The following MLNR variants were observed in gnomAD, a reference collection of about 807,000 sequenced individuals.
MLNR encodes the protein G protein-coupled receptor 38.
A neutral mutation model predicts 20.0 loss-of-function variants in MLNR; 16 were observed. The observed-to-expected ratio is 0.80, with a 90% CI of 0.54 to 1.22. The LOEUF (loss-of-function observed/expected upper bound fraction) is 1.22, where lower values mean the gene tolerates loss of function less well. Among genes scored for constraint, MLNR ranks in the 50% most tolerant of loss-of-function variants. MLNR has a pLI of 0.00. For missense variants in MLNR, 630 were observed against 592.3 expected (o/e 1.06, Z -0.66); for synonymous variants, 302 against 287.2 (o/e 1.05, Z -0.52).
rs746358130 is a variant in MLNR at position 49,221,150 on chromosome 13, G to C, written c.813G>C (p.Gly271=). The C allele has an allele frequency of 3.1e-6, 5 of 1,591,816 alleles. No homozygotes were observed. Among genetic ancestry groups the C allele is most frequent in the Non-Finnish European group, 3.4e-6 (4 of 1,177,140 alleles). The stretch of plus-strand genomic sequence containing the variant: ...TCAGCATCCTCTACGGGCTCATCGG[G>C]CGGGAGCTGTGGAGCAGCCGGCGGC... ...LCLSILYGLI[G]RELWSSRRPL... The change falls in exon 1 of 2, where the codon GGG becomes GGC. Residue 271 remains glycine, a synonymous_variant. Coordinates refer to ENST00000218721, the MANE Select transcript of MLNR (RefSeq NM_001507.1).
chr13:49,220,660 C>T lies in MLNR; in HGVS notation c.323C>T (p.Pro108Leu). 1.2e-6 allele frequency: 2 copies of T among 1,607,766 alleles called. No homozygotes were observed. The highest frequency in any genetic ancestry group is 1.7e-6 in the Non-Finnish European group (2 of 1,177,920). The change falls in exon 1 of 2, where the codon CCG becomes CTG. Residue 108 changes from proline (P) to leucine (L), a missense_variant. Pro to Leu is a moderately conservative substitution (Grantham distance 98, BLOSUM62 -3). Coordinates refer to ENST00000218721, the MANE Select transcript of MLNR (RefSeq NM_001507.1). The surrounding 1 kb of genome is among the most constrained non-coding windows in gnomAD (Gnocchi z 4.4). ...CGCTCGCGGCCCTGGGTGTTCGGGC[C>T]GCTGCTCTGCCGCCTGTCCCTCTAC... ...LWRSRPWVFG[P>L]LLCRLSLYVG... is the part of the protein sequence containing the mutation.
chr13:49,222,207 C>A lies in MLNR; in HGVS notation c.1069C>A (p.Leu357Ile). ...SASINPILYN[L>I]ISKKYRAAAF... ...ATCTATCAACCCAATCCTCTACAAC[C>A]TCATTTCAAAGAAGTACAGAGCGGC... The change falls in exon 2 of 2, where the codon CTC (leucine) becomes ATC (isoleucine). Residue 357 changes from leucine to isoleucine, a missense_variant. By Grantham distance (5) the Leu-to-Ile change is conservative. Transcript: ENST00000218721. 6.2e-7 allele frequency: 1 copy of A among 1,614,138 alleles called. No homozygotes were observed. The highest frequency in any genetic ancestry group is 8.5e-7 in the Non-Finnish European group (1 of 1,180,042).
chr13:49,221,097 G>A lies in MLNR; in HGVS notation c.760G>A (p.Ala254Thr), dbSNP rs755972660. The change falls in exon 1 of 2, where the codon GCC (alanine) becomes ACC (threonine). Residue 254 changes from alanine to threonine, a missense_variant. By Grantham distance (58) the Ala-to-Thr change is moderately conservative (BLOSUM62 0). Coordinates refer to ENST00000218721, the MANE Select transcript of MLNR (RefSeq NM_001507.1). ...ALRVMLWVTT[A>T]YFFLPFLCLS... is the part of the protein sequence containing the mutation. ...GCGTGTCATGCTGTGGGTCACCACCGCCTACTTCTTCCTGCCCTTTCTGTG... is the reference window on the plus strand; with the variant it reads ...GCGTGTCATGCTGTGGGTCACCACCACCTACTTCTTCCTGCCCTTTCTGTG... The A allele has an allele frequency of 3.1e-6, 5 of 1,589,780 alleles. No individual in the cohort carries two copies. The highest frequency in any genetic ancestry group is 4.3e-6 in the Non-Finnish European group (5 of 1,176,378).
chr13:49,221,287 C>T (rs571786322), intron 1 of MLNR, 49 bp downstream of exon 1: 1 of 1,524,818 alleles, frequency 6.6e-7, no homozygotes, highest in East Asian at 2.5e-5. Context: ...CAGTCCGCCC[C>T]GCCGGGGACC....
chr13:49,220,811 C>T lies in MLNR; in HGVS notation c.474C>T (p.Leu158=). ...VLVTRRRVRA[L]IAVLWAVALL... ...TCACCCGGCGCCGCGTCCGCGCGCTCATCGCTGTGCTCTGGGCCGTGGCGC... is the reference window on the plus strand; with the variant it reads ...TCACCCGGCGCCGCGTCCGCGCGCTTATCGCTGTGCTCTGGGCCGTGGCGC... Residue 158 remains leucine (L), a synonymous_variant, in exon 1 of 2, where the codon CTC becomes CTT. Transcript: ENST00000218721. The surrounding 1 kb of genome is among the most constrained non-coding windows in gnomAD (Gnocchi z 4.4). 3 of 1,571,754 alleles carry T rather than the reference C, an allele frequency of 1.9e-6. No individual in the cohort carries two copies. Among genetic ancestry groups the T allele is most frequent in the South Asian group, 1.2e-5 (1 of 85,646 alleles).
chr13:49,221,953 T>C, intron 1 of MLNR, 87 bp from the exon 2 acceptor site: 1 of 1,202,480 alleles, frequency 8.3e-7, no homozygotes, highest in African/African-American at 1.5e-5. Flanking sequence ...CTGTTACTTG[T>C]TATTGCAGAT....
chr13:49,221,458 G>C, intron 1 of MLNR: 3 of 573,604 alleles, frequency 5.2e-6, no homozygotes, highest in Non-Finnish European at 9.2e-6. Context: ...AGGGCGCTTT[G>C]AGGGTGGGAT....
chr13:49,220,750 T>G lies in MLNR; in HGVS notation c.413T>G (p.Leu138Arg). 1.3e-6 allele frequency: 2 copies of G among 1,574,814 alleles called. No individual in the cohort carries two copies. Among genetic ancestry groups the G allele is most frequent in the Non-Finnish European group, 1.7e-6 (2 of 1,161,546 alleles). ...HMTALSVERY[L>R]AICRPLRARV... ...ACCGCGCTCAGCGTCGAGCGCTACCTGGCCATCTGCCGCCCGCTCCGCGCC... is the reference window on the plus strand; with the variant it reads ...ACCGCGCTCAGCGTCGAGCGCTACCGGGCCATCTGCCGCCCGCTCCGCGCC... The change falls in exon 1 of 2, where the codon CTG (leucine) becomes CGG (arginine). Residue 138 changes from leucine to arginine, a missense_variant. Leu to Arg is a moderately radical substitution (Grantham distance 102, BLOSUM62 -2). Transcript: ENST00000218721. The surrounding 1 kb of genome is among the most constrained non-coding windows in gnomAD (Gnocchi z 4.4).
rs201685217 is a variant in MLNR at position 49,222,344 on chromosome 13, C to T, written c.1206C>T (p.Thr402=). The T allele has an allele frequency of 2.5e-5, 40 of 1,613,360 alleles. No individual in the cohort carries two copies. The highest frequency in any genetic ancestry group is 3.2e-5 in the Non-Finnish European group (38 of 1,179,826). Residue 402 remains threonine (T), a synonymous_variant, in exon 2 of 2, where the codon ACC becomes ACT. Transcript: ENST00000218721. ...CTGGAGGAGACACGGTGGGCTACAC[C>T]GAGACAAGCGCTAACGTGAAGACGA... ...GDTGGDTVGY[T]ETSANVKTMG is the part of the protein sequence containing the mutation.
intron 1 of MLNR, 62 bp downstream of exon 1, chr13:49,221,300 G>T (rs938975904): frequency 3.3e-5 from 50 of 1,502,018 alleles, no homozygotes; most frequent in Non-Finnish European, 4.4e-5. Context: ...CGGGGACCGC[G>T]CAAACGCTGG....
chr13:49,221,866 T>C (rs1358668848), intron 1 of MLNR, among the ~76,000 whole-genome samples, 174 bp from the exon 2 acceptor site: 8 of 152,222 alleles, frequency 5.3e-5, no homozygotes, highest in African/African-American at 1.9e-4. Context: ...AAAGCAAGTA[T>C]CCATGCAGCC....
rs1204014123 is a variant in MLNR, at chr13:49,220,563, T to C, written c.226T>C (p.Tyr76His). The C allele has an allele frequency of 3.1e-6, 5 of 1,613,290 alleles. No homozygotes were observed. The highest frequency in any genetic ancestry group is 4.2e-6 in the Non-Finnish European group (5 of 1,179,650). The change falls in exon 1 of 2, where the codon TAC (tyrosine) becomes CAC (histidine). Residue 76 changes from tyrosine to histidine, a missense_variant. Physicochemically the swap from Tyr to His is moderately conservative, Grantham distance 83. Coordinates refer to ENST00000218721, the MANE Select transcript of MLNR (RefSeq NM_001507.1). The surrounding 1 kb of genome is among the most constrained non-coding windows in gnomAD (Gnocchi z 4.4). ...GGACATGCGGACCACCACCAACTTG[T>C]ACCTGGGCAGCATGGCCGTGTCCGA... The part of the protein sequence containing the change: ...YRDMRTTTNL[Y>H]LGSMAVSDLL...
Position 49,222,235 on chromosome 13 carries a change from C to A in MLNR, c.1097C>A (p.Ala366Asp), listed in dbSNP as rs536339152. The A allele has an allele frequency of 6.2e-7, 1 of 1,614,044 alleles. No individual in the cohort carries two copies. The highest frequency in any genetic ancestry group is 1.3e-5 in the African/African-American group (1 of 74,962). The stretch of plus-strand genomic sequence containing the variant: ...ATTTCAAAGAAGTACAGAGCGGCGG[C>A]CTTTAAACTGCTGCTCGCAAGGAAG... ...NLISKKYRAA[A>D]FKLLLARKSR... Residue 366 changes from alanine to aspartate, a missense_variant, in exon 2 of 2, where the codon GCC (alanine) becomes GAC (aspartate). By Grantham distance (126) the Ala-to-Asp change is moderately radical (BLOSUM62 -2). Transcript: ENST00000218721.
Position 49,220,583 on chromosome 13 carries a change from G to A in MLNR, c.246G>A (p.Val82=). 2 of 1,613,344 alleles carry A rather than the reference G, an allele frequency of 1.2e-6. No homozygotes were observed. The highest frequency in any genetic ancestry group is 1.7e-6 in the Non-Finnish European group (2 of 1,179,694). ...ACTTGTACCTGGGCAGCATGGCCGT[G>A]TCCGACCTACTCATCCTGCTCGGGC... ...TTNLYLGSMA[V]SDLLILLGLP... Residue 82 remains valine, a synonymous_variant, in exon 1 of 2, where the codon GTG becomes GTA. Transcript: ENST00000218721. This position sits in a 1 kb window ranked among gnomAD's most constrained non-coding sequence, Gnocchi z 4.4.
At chr13:49,221,594 G>A (rs1887013322) in intron 1 of MLNR, among the ~76,000 whole-genome samples, 1 of 152,252 alleles carries the variant, frequency 6.6e-6, no homozygotes, top group South Asian at 2.1e-4. Context: ...CAGTGCTCTT[G>A]AGAAGACGAG....
Position 49,220,806 on chromosome 13 carries a change from G to A in MLNR, c.469G>A (p.Ala157Thr), listed in dbSNP as rs774435857. 6.4e-7 allele frequency: 1 copy of A among 1,570,320 alleles called. No individual in the cohort carries two copies. Among genetic ancestry groups the A allele is most frequent in the Non-Finnish European group, 8.6e-7 (1 of 1,159,310 alleles). The change falls in exon 1 of 2, where the codon GCG becomes ACG. Residue 157 changes from alanine (A) to threonine (T), a missense_variant. Physicochemically the swap from Ala to Thr is moderately conservative, Grantham distance 58. Coordinates refer to ENST00000218721, the MANE Select transcript of MLNR (RefSeq NM_001507.1). The surrounding 1 kb of genome is among the most constrained non-coding windows in gnomAD (Gnocchi z 4.4). ...CTTGGTCACCCGGCGCCGCGTCCGC[G>A]CGCTCATCGCTGTGCTCTGGGCCGT... ...RVLVTRRRVR[A>T]LIAVLWAVAL...
intron 1 of MLNR, 126 bp downstream of exon 1, chr13:49,221,364 A>T: frequency 3.0e-6 from 3 of 1,015,716 alleles, no homozygotes; most frequent in Non-Finnish European, 4.4e-6. Flanking sequence ...TCCCTTTCCT[A>T]TTTCGATTCC....
rs770829318 is a variant in MLNR at position 49,220,795 on chromosome 13, G to C, written c.458G>C (p.Arg153Pro). The change falls in exon 1 of 2, where the codon CGC (arginine) becomes CCC (proline). Residue 153 changes from arginine (R) to proline (P), a missense_variant. By Grantham distance (103) the Arg-to-Pro change is moderately radical. Coordinates refer to ENST00000218721, the MANE Select transcript of MLNR (RefSeq NM_001507.1). This position sits in a 1 kb window ranked among gnomAD's most constrained non-coding sequence, Gnocchi z 4.4. ...PLRARVLVTR[R>P]RVRALIAVLW... The stretch of plus-strand genomic sequence containing the variant: ...CGCGCCCGCGTCTTGGTCACCCGGC[G>C]CCGCGTCCGCGCGCTCATCGCTGTG... 2 of 1,565,566 alleles carry C rather than the reference G, an allele frequency of 1.3e-6. No homozygotes were observed. The highest frequency in any genetic ancestry group is 1.7e-6 in the Non-Finnish European group (2 of 1,156,676).
Position 49,220,729 on chromosome 13 carries a change from C to T in MLNR, c.392C>T (p.Ala131Val), listed in dbSNP as rs1436141165. ...CTYATLLHMT[A>V]LSVERYLAIC... The stretch of plus-strand genomic sequence containing the variant: ...TACGCCACGCTGCTGCACATGACCG[C>T]GCTCAGCGTCGAGCGCTACCTGGCC... Residue 131 changes from alanine to valine, a missense_variant, in exon 1 of 2, where the codon GCG (alanine) becomes GTG (valine). Ala to Val is a moderately conservative substitution (Grantham distance 64). Transcript: ENST00000218721. The surrounding 1 kb of genome is among the most constrained non-coding windows in gnomAD (Gnocchi z 4.4). 6.3e-7 allele frequency: 1 copy of T among 1,583,140 alleles called. No homozygotes were observed. The highest frequency in any genetic ancestry group is 8.6e-7 in the Non-Finnish European group (1 of 1,166,158).
Sources: allele counts gnomAD v4.1 joint callset (sites outside exome capture counted in the v4.1 genomes callset), GRCh38; gene constraint gnomAD v4.1.1; non-coding constraint Gnocchi (gnomAD v3.1); transcripts MANE v1.5; gene names NCBI Gene and HGNC (gene_info 2026-07-23, HGNC 2026-07-21).